The following SYNE3 variants were observed in gnomAD, a reference collection of about 807,000 sequenced individuals.
SYNE3 encodes nesprin-3.
In SYNE3, 100 loss-of-function variants were observed where a neutral mutation model predicts 111.2. The observed-to-expected ratio is 0.90, with a 90% CI of 0.77 to 1.06. SYNE3 has a LOEUF of 1.06. SYNE3 is among the 50% of genes least tolerant of loss of function. The pLI is 0.00. For missense variants in SYNE3, 1,160 were observed against 1,240.3 expected, an observed-to-expected ratio of 0.94 and a Z score of 0.97; for synonymous variants, 547 against 533.9, an observed-to-expected ratio of 1.02 and a Z score of -0.34.
intron 1 of SYNE3, among the ~76,000 whole-genome samples, chr14:95,510,462 G>C (rs534011395): frequency 1.1e-4 from 16 of 152,332 alleles, no homozygotes; most frequent in African/African-American, 3.8e-4. Flanking sequence ...AGGGAAGGCA[G>C]GAAGAATATC....
chr14:95,491,307 G>T (rs180729205), intron 1 of SYNE3, among the ~76,000 whole-genome samples: 1 of 152,112 alleles, frequency 6.6e-6, no homozygotes, highest in African/African-American at 2.4e-5. Flanking sequence ...AAGTAGACCC[G>T]CCCAAGATCT....
chr14:95,475,948 G>T, intron 1 of SYNE3, 113 bp from the exon 2 acceptor site: 1 of 1,115,388 alleles, frequency 9.0e-7, no homozygotes, highest in Non-Finnish European at 1.2e-6. Flanking sequence ...CTCCCCTGGT[G>T]CTCCCAGTTG....
intron 4 of SYNE3, among the ~76,000 whole-genome samples, chr14:95,463,210 T>G (rs10139467): frequency 0.68 from 104,081 of 152,040 alleles, 35,789 homozygotes; most frequent in Admixed American, 0.73. Context: ...ATAAAAAGAC[T>G]GGGGGAGCAG....
At chr14:95,503,344 G>T (rs1430972318) in intron 1 of SYNE3, among the ~76,000 whole-genome samples, 1 of 152,196 alleles carries the variant, frequency 6.6e-6, no homozygotes, top group Non-Finnish European at 1.5e-5. Context: ...TTCACCAAGG[G>T]CATGCTATCT....
chr14:95,451,615 G>T (rs1887083361), intron 7 of SYNE3: 1 of 152,214 alleles, frequency 6.6e-6, no homozygotes, highest in Non-Finnish European at 1.5e-5. Context: ...CACAGCAAAG[G>T]TAGGAGCTCC....
At chr14:95,433,602 A>G (rs974445586) in intron 15 of SYNE3, among the ~76,000 whole-genome samples, 193 bp from the exon 16 acceptor site, 1 of 152,256 alleles carries the variant, frequency 6.6e-6, no homozygotes, top group Non-Finnish European at 1.5e-5. Flanking sequence ...GGAATGCTAC[A>G]GGATGGCCTC....
chr14:95,456,642 G>T (rs933976085), intron 5 of SYNE3, among the ~76,000 whole-genome samples: 7 of 152,138 alleles, frequency 4.6e-5, no homozygotes, highest in Admixed American at 3.9e-4. Flanking sequence ...TGTGGTCCTG[G>T]GTTTCCAAAT....
Position 95,411,124 on chromosome 14 carries a change from C to T in SYNE3, c.*6702G>A, listed in dbSNP as rs1903423208. ...AAGACAGTCTATGGAAGCCCTCCAACTCTGACAGCCTGAAGAATCCAGGTA... is the reference window on the plus strand; with the variant it reads ...AAGACAGTCTATGGAAGCCCTCCAATTCTGACAGCCTGAAGAATCCAGGTA... On this transcript the variant is annotated 3_prime_UTR_variant, in exon 18 of 18. Transcript: ENST00000682763. 1 of 152,210 alleles carries T rather than the reference C, an allele frequency of 6.6e-6. No homozygotes were observed. The highest frequency in any genetic ancestry group is 1.5e-5 in the Non-Finnish European group (1 of 68,062). 9.4% of individuals were successfully genotyped at this position (152,210 alleles called of 1,614,324 possible). A position where few individuals can be genotyped will look rare whatever the true frequency, so the allele number is the denominator to read the frequency against.
At chr14:95,469,021 G>A (rs865868166) in intron 2 of SYNE3, among the ~76,000 whole-genome samples, 3 of 152,184 alleles carry the variant, frequency 2.0e-5, no homozygotes, top group Non-Finnish European at 4.4e-5. Context: ...ATTAGGTAAT[G>A]TAGGGAGAGC....
chr14:95,427,267 A>G (rs1037840078), intron 17 of SYNE3, among the ~76,000 whole-genome samples: 4 of 152,148 alleles, frequency 2.6e-5, no homozygotes, highest in Non-Finnish European at 4.4e-5. Flanking sequence ...CGGTAGCTTC[A>G]GTGCCAAGGG....
intron 1 of SYNE3, among the ~76,000 whole-genome samples, chr14:95,502,865 C>T (rs1288001778): frequency 6.6e-6 from 1 of 152,206 alleles, no homozygotes. Flanking sequence ...ATGCTTGTTT[C>T]TAGGTTTCTA....
intron 1 of SYNE3, among the ~76,000 whole-genome samples, chr14:95,498,163 A>C (rs2139590249): frequency 6.6e-6 from 1 of 152,128 alleles, no homozygotes; most frequent in East Asian, 1.9e-4. Context: ...GTTACATTTT[A>C]ATCACAATTA....
At chr14:95,446,164 C>A (rs1886707591) in intron 8 of SYNE3, 73 bp from the exon 9 acceptor site, 13 of 1,547,466 alleles carry the variant, frequency 8.4e-6, no homozygotes, top group Admixed American at 3.5e-5. Context: ...AGGGGCACAA[C>A]TGTTCTGGCT....
chr14:95,496,493 T>C (rs916644655), intron 1 of SYNE3, among the ~76,000 whole-genome samples: 20 of 152,220 alleles, frequency 1.3e-4, no homozygotes, highest in African/African-American at 4.8e-4. Context: ...AGCTGGGGAT[T>C]TTAACCAGCC....
chr14:95,470,250 AG>A lies in SYNE3; in HGVS notation c.145-2284del, dbSNP rs1354610368. 6.6e-6 allele frequency among the ~76,000 whole-genome samples: 1 copy of A among 152,240 alleles called. No individual in the cohort carries two copies. The highest frequency in any genetic ancestry group is 1.5e-5 in the Non-Finnish European group (1 of 68,040). The stretch of plus-strand genomic sequence containing the variant: ...CTAGACTGAATACGATTATCCACCC[AG>A]GATGTTTCACACCACCCAGGGGCAG... On this transcript the variant is annotated intron_variant, in intron 2 of 17. Coordinates refer to ENST00000682763, the MANE Select transcript of SYNE3 (RefSeq NM_152592.6). This position sits in a 1 kb window ranked among gnomAD's most constrained non-coding sequence, Gnocchi z 4.2.
chr14:95,502,806 C>G (rs569624274), intron 1 of SYNE3, among the ~76,000 whole-genome samples: 2 of 152,336 alleles, frequency 1.3e-5, no homozygotes, highest in South Asian at 4.1e-4. Flanking sequence ...GCTAGCCCCG[C>G]AGAGACTCAG....
intron 14 of SYNE3, 111 bp from the exon 15 acceptor site, chr14:95,437,092 A>C: frequency 1.5e-6 from 2 of 1,342,996 alleles, no homozygotes; most frequent in Non-Finnish European, 2.1e-6. Context: ...AGATGCCCAA[A>C]ATGGCGACGG....
Position 95,472,615 on chromosome 14 carries a change from G to A in SYNE3, c.144+3063C>T, listed in dbSNP as rs56906138. 8.7e-3 allele frequency among the ~76,000 whole-genome samples: 1,320 copies of A among 152,266 alleles called. 21 individuals are homozygous for A. The highest frequency in any genetic ancestry group is 0.029 in the African/African-American group (1,223 of 41,516). ...CCTCCCTCCTTCCTGAAAGGCAGCA[G>A]CTATCACTCTCCCCGGAAGCAAGCT... On this transcript the variant is annotated intron_variant, in intron 2 of 17. Coordinates refer to ENST00000682763, the MANE Select transcript of SYNE3 (RefSeq NM_152592.6).
intron 3 of SYNE3, among the ~76,000 whole-genome samples, chr14:95,467,079 C>A (rs1888234255): frequency 6.6e-6 from 1 of 152,186 alleles, no homozygotes. Context: ...ATCTCCCCAG[C>A]CAACATCAAG....
Sources: gnomAD v4.1 joint callset for allele counts (sites outside exome capture counted in the v4.1 genomes callset) on GRCh38, gnomAD v4.1.1 for gene constraint, Gnocchi (gnomAD v3.1) non-coding constraint, MANE v1.5 for transcripts, NCBI Gene and HGNC (gene_info 2026-07-23, HGNC 2026-07-21) for gene names.